Variants in TXNL4A observed in about 807,000 individuals in gnomAD.
TXNL4A encodes thioredoxin-like protein 4A.
In TXNL4A, 17 loss-of-function variants were observed where a neutral mutation model predicts 14.6. The observed-to-expected ratio is 1.16, with a 90% CI of 0.80 to 1.74. The LOEUF is 1.74. Ranked by LOEUF, TXNL4A falls within the 40% of genes most tolerant of loss-of-function variation. The pLI, the probability that TXNL4A is intolerant of heterozygous loss-of-function variation, is 0.00. For missense variants in TXNL4A, 74 were observed against 195.2 expected, an observed-to-expected ratio of 0.38 and a Z score of 3.70; for synonymous variants, 83 against 70.6, an observed-to-expected ratio of 1.18 and a Z score of -0.88.
chr18:80,022,911 C>T (rs1028726488), intron 1 of TXNL4A, among the ~76,000 whole-genome samples: 2 of 152,142 alleles, frequency 1.3e-5, no homozygotes, highest in Non-Finnish European at 2.9e-5. Flanking sequence ...CCCTAGCTTT[C>T]CACCCTGTTG....
intron 1 of TXNL4A, among the ~76,000 whole-genome samples, chr18:80,031,088 A>G (rs528739119): frequency 6.6e-6 from 1 of 152,358 alleles, no homozygotes; most frequent in African/African-American, 2.4e-5. Flanking sequence ...CAAAGTGGTG[A>G]CCATGCCCCA....
Position 80,011,699 on chromosome 18 carries a change from C to T in TXNL4A, c.-61+22152G>A, listed in dbSNP as rs1044637693. Among the ~76,000 whole-genome samples, 22 of 152,132 alleles carry T rather than the reference C, an allele frequency of 1.4e-4. 1 individual carries two copies. Among genetic ancestry groups the T allele is most frequent in the Admixed American group, 1.4e-3 (22 of 15,274 alleles). ...TCAGGGAGATAACACTTCCTTGAAG[C>T]AATGGAGTATAATCAAACATCTTGG... is the stretch of plus-strand genomic sequence containing the variant. On this transcript the variant is annotated intron_variant, in intron 1 of 2. Transcript: ENST00000585474. This position sits in a 1 kb window ranked among gnomAD's most constrained non-coding sequence, Gnocchi z 4.1.
intron 1 of TXNL4A, among the ~76,000 whole-genome samples, chr18:80,008,542 C>A (rs982593748): frequency 5.9e-5 from 9 of 151,942 alleles, no homozygotes; most frequent in African/African-American, 2.2e-4. Flanking sequence ...TTTTATGTTC[C>A]CTGTTTTTAA....
In TXNL4A at chr18:80,010,624, C is replaced by T. The variant is rs2051763553; in HGVS notation, c.-61+23227G>A. Among the ~76,000 whole-genome samples the T allele has an allele frequency of 2.6e-5, 4 of 152,242 alleles. No homozygotes were observed. In the South Asian group the frequency reaches 8.3e-4, roughly 32 times the overall value. ...TCTTCCTGGGAGCCCACTGTCTATA[C>T]AAAGGACGAAGGCATTTTTATGCCC... is the stretch of plus-strand genomic sequence containing the variant. On this transcript the variant is annotated intron_variant, in intron 1 of 2. Coordinates refer to the TXNL4A transcript ENST00000585474.
chr18:80,016,847 C>G (rs1179451500), intron 1 of TXNL4A, among the ~76,000 whole-genome samples: 13 of 149,960 alleles, frequency 8.7e-5, no homozygotes, highest in Non-Finnish European at 3.0e-5. Context: ...GCGATGCGGG[C>G]TCTTTTTTGG....
chr18:79,975,290 C>T (rs2051362209), intron 2 of TXNL4A, among the ~76,000 whole-genome samples: 2 of 152,260 alleles, frequency 1.3e-5, no homozygotes, highest in African/African-American at 4.8e-5. Flanking sequence ...CACTAGACCA[C>T]AAACCTGGTG....
intron 1 of TXNL4A, among the ~76,000 whole-genome samples, chr18:80,010,958 C>CA (rs2051765772): frequency 6.8e-6 from 1 of 146,034 alleles, no homozygotes; most frequent in South Asian, 2.2e-4. Flanking sequence ...TTGGGCATTG[C>CA]TTTTTTTTTT....
rs753391655 is a variant in TXNL4A, at chr18:80,004,839, T to A, written c.-60-27138A>T. Among the ~76,000 whole-genome samples the A allele has an allele frequency of 1.5e-3, 231 of 152,248 alleles. 3 individuals are homozygous for A. The highest frequency in any genetic ancestry group is 5.6e-4 in the Non-Finnish European group (38 of 68,016). ...TGATCAGACCCAGAATAGGAATGCA[T>A]CTGTGTTTAAAGGAGTGCAAAGCAG... On this transcript the variant is annotated intron_variant, in intron 1 of 2. Coordinates refer to the TXNL4A transcript ENST00000585474.
upstream of TXNL4A, among the ~76,000 whole-genome samples, chr18:79,991,889 G>A (rs762602247): frequency 2.0e-5 from 3 of 152,180 alleles, no homozygotes; most frequent in East Asian, 1.9e-4. Context: ...ATATGTGCCC[G>A]AGGTGGTCGG....
intron 1 of TXNL4A, among the ~76,000 whole-genome samples, chr18:79,980,361 CACA>C (rs2051444531): frequency 6.6e-6 from 1 of 152,166 alleles, no homozygotes; most frequent in Non-Finnish European, 1.5e-5. Context: ...ATGGGATATG[CACA>C]ACATTTCTTC....
chr18:80,013,635 G>A (rs1183024944), intron 1 of TXNL4A, among the ~76,000 whole-genome samples: 9 of 151,724 alleles, frequency 5.9e-5, no homozygotes, highest in Admixed American at 4.6e-4. Context: ...TAGTAGAAAG[G>A]GGGTTTCACC....
At chr18:79,987,969 T>C (rs958311365) in intron 1 of TXNL4A, among the ~76,000 whole-genome samples, 1 of 152,272 alleles carries the variant, frequency 6.6e-6, no homozygotes, top group Non-Finnish European at 1.5e-5. Context: ...AAACGCCTTA[T>C]CAACAGAAAT....
In TXNL4A at chr18:79,977,556, C is replaced by G. The variant is rs368956183; in HGVS notation, c.257+42G>C. The G allele has an allele frequency of 4.1e-6, 6 of 1,452,324 alleles. No individual in the cohort carries two copies. The African/African-American group carries it at 8.5e-5, about 21-fold the overall frequency. The allele number at this position is 1,452,324 out of a possible 1,614,324, so 90.0% of individuals were successfully genotyped here. Reference sequence around the variant, plus strand: ...ATCTTGATTACATTAAGCTTCCAAACTGACAATATTCAATTTCAGTAACAA... The same window carrying G: ...ATCTTGATTACATTAAGCTTCCAAAGTGACAATATTCAATTTCAGTAACAA... On this transcript the variant is annotated intron_variant, in intron 2 of 2. Coordinates refer to ENST00000269601, the MANE Select transcript of TXNL4A (RefSeq NM_006701.5).
chr18:79,988,881 C>T (rs1824957556), upstream of TXNL4A, among the ~76,000 whole-genome samples: 1 of 152,238 alleles, frequency 6.6e-6, no homozygotes, highest in Non-Finnish European at 1.5e-5. Context: ...CCAGAAAGGC[C>T]CGGAATGCCC....
chr18:80,000,406 C>T (rs972166503), intron 1 of TXNL4A, among the ~76,000 whole-genome samples: 1 of 152,210 alleles, frequency 6.6e-6, no homozygotes, highest in African/African-American at 2.4e-5. Context: ...CTGCCCTAGA[C>T]ATCTGTGAAA....
chr18:80,020,449 C>T (rs1220117159), intron 1 of TXNL4A, among the ~76,000 whole-genome samples: 2 of 152,214 alleles, frequency 1.3e-5, no homozygotes, highest in African/African-American at 4.8e-5. Context: ...TCATGGCTAA[C>T]TCAACCATGC....
intron 1 of TXNL4A, among the ~76,000 whole-genome samples, chr18:80,021,319 G>A (rs2051847508): frequency 6.6e-6 from 1 of 152,016 alleles, no homozygotes; most frequent in Non-Finnish European, 1.5e-5. Context: ...TGGGACTATG[G>A]GCACCCGCCA....
chr18:80,004,455 C>T (rs1261726086), intron 1 of TXNL4A, among the ~76,000 whole-genome samples: 1 of 152,200 alleles, frequency 6.6e-6, no homozygotes, highest in East Asian at 1.9e-4. Flanking sequence ...AAGCAGGCAC[C>T]GAGTGCTCCC....
upstream of TXNL4A, among the ~76,000 whole-genome samples, chr18:79,993,043 C>T (rs9950371): frequency 0.76 from 115,091 of 151,594 alleles, 44,978 homozygotes; most frequent in East Asian, 0.91. The surrounding 1 kb of genome is among the most constrained non-coding windows in gnomAD (Gnocchi z 4.4). Context: ...AGGCGTAGAC[C>T]TGTCTCCCAG....
Sources: gnomAD v4.1 joint callset for allele counts (sites outside exome capture counted in the v4.1 genomes callset) on GRCh38, gnomAD v4.1.1 for gene constraint, Gnocchi (gnomAD v3.1) non-coding constraint, MANE v1.5 for transcripts, NCBI Gene and HGNC (gene_info 2026-07-23, HGNC 2026-07-21) for gene names.